DNAH2: variants seen among roughly 807,000 people sequenced by gnomAD.
DNAH2 encodes the protein dynein axonemal heavy chain 2, also known as axonemal beta dynein heavy chain 2.
A neutral mutation model predicts 523.5 loss-of-function variants in DNAH2; 323 were observed. That is an observed-to-expected ratio of 0.62 (90% CI 0.56 to 0.68). The LOEUF (loss-of-function observed/expected upper bound fraction) is 0.68. Among genes scored for constraint, DNAH2 ranks in the 30% least tolerant of loss-of-function variants. The pLI is 0.00. For missense variants in DNAH2, 4,907 were observed against 5,701.5 expected (o/e 0.86, Z 4.49); for synonymous variants, 2,093 against 2,177.4 (o/e 0.96, Z 1.08).
At chr17:7,753,877 G>A (rs1047548026) in intron 12 of DNAH2, among the ~76,000 whole-genome samples, 2 of 152,132 alleles carry the variant, frequency 1.3e-5, no homozygotes, top group Non-Finnish European at 2.9e-5. Flanking sequence ...AAACCGGGGA[G>A]GCAGAGGTTG....
chr17:7,738,037 C>T (rs2075193304), intron 8 of DNAH2: 1 of 703,398 alleles, frequency 1.4e-6, no homozygotes, highest in Non-Finnish European at 2.6e-6. Context: ...ATGTCTCTTC[C>T]AGCAAGGAGG....
In DNAH2 at chr17:7,743,173, T is replaced by C. The variant is rs757706009; in HGVS notation, c.1904+31T>C. ...GGAGCCACCTGGCCCCTTTTCCCTA[T>C]ACTCCCCTTCTGCAGCTCTCCCAAG... On this transcript the variant is annotated intron_variant, in intron 12 of 85. Transcript: ENST00000572933. The C allele has an allele frequency of 8.1e-6, 13 of 1,608,794 alleles. No individual in the cohort carries two copies. In the East Asian group the frequency reaches 1.3e-4, roughly 17 times the overall value.
intron 4 of DNAH2, among the ~76,000 whole-genome samples, chr17:7,731,242 G>A (rs1160966632): frequency 6.6e-6 from 1 of 152,042 alleles, no homozygotes; most frequent in East Asian, 1.9e-4. Context: ...ACATGACCAT[G>A]TGTGATCTTG....
chr17:7,806,879 G>T (rs1039723194), intron 61 of DNAH2, among the ~76,000 whole-genome samples: 1 of 151,974 alleles, frequency 6.6e-6, no homozygotes, highest in Non-Finnish European at 1.5e-5. Flanking sequence ...AAAGCAGAGA[G>T]AAAAAAAGTG....
intron 25 of DNAH2, 49 bp from the exon 26 acceptor site, chr17:7,770,508 C>G: frequency 6.2e-7 from 1 of 1,613,294 alleles, no homozygotes; most frequent in Non-Finnish European, 8.5e-7. Context: ...TCCTGTTCCC[C>G]TTAGTGAAGA....
chr17:7,735,614 T>G (rs1211952081), intron 7 of DNAH2, among the ~76,000 whole-genome samples: 1 of 151,468 alleles, frequency 6.6e-6, no homozygotes, highest in Non-Finnish European at 1.5e-5. Flanking sequence ...AACTGTTGTA[T>G]TTTTTGTAGA....
chr17:7,806,487 C>A lies in DNAH2; in HGVS notation c.9443-663C>A, dbSNP rs565898919. ...CCTGGCTAACACGGTGAAACCCTGT[C>A]TCTACTACAAAATACAAAAAAATTA... On this transcript the variant is annotated intron_variant, in intron 61 of 85. Coordinates refer to ENST00000572933, the MANE Select transcript of DNAH2 (RefSeq NM_020877.5). Among the ~76,000 whole-genome samples the A allele has an allele frequency of 1.8e-4, 27 of 151,810 alleles. No homozygotes were observed. The East Asian group carries it at 5.3e-3, about 30-fold the overall frequency.
Position 7,823,492 on chromosome 17 carries a change from A to G in DNAH2, c.11193A>G (p.Ala3731=). ...QMDNPCSSWL[A]DAYWDNITEL... is the part of the protein sequence containing the mutation. ...ACAATCCATGTAGTAGCTGGCTTGC[A>G]GATGCCTACTGGGATAACATCACAG... Residue 3731 remains alanine (A), a synonymous_variant, in exon 74 of 86, where the codon GCA becomes GCG. Transcript: ENST00000572933. 6.2e-7 allele frequency: 1 copy of G among 1,614,132 alleles called. No homozygotes were observed. Among genetic ancestry groups the G allele is most frequent in the Non-Finnish European group, 8.5e-7 (1 of 1,180,014 alleles).
Position 7,831,834 on chromosome 17 carries a change from C to A in DNAH2, c.12726+59C>A. On this transcript the variant is annotated intron_variant, in intron 82 of 85. Transcript: ENST00000572933. This position sits in a 1 kb window ranked among gnomAD's most constrained non-coding sequence, Gnocchi z 4.2. ...AATGAGCTCCCCTCTCAATCCTGGG[C>A]CCCCCAATCTCCTGGTTCTAGGTGG... 2 of 1,478,418 alleles carry A rather than the reference C, an allele frequency of 1.4e-6. No individual in the cohort carries two copies. Among genetic ancestry groups the A allele is most frequent in the East Asian group, 2.3e-5 (1 of 43,572 alleles). 91.6% of individuals were successfully genotyped at this position (1,478,418 alleles called of 1,614,324 possible). A position where few individuals can be genotyped will look rare whatever the true frequency, so the allele number is the denominator to read the frequency against.
chr17:7,802,381 ACT>A (rs376965287), intron 58 of DNAH2, among the ~76,000 whole-genome samples: 38 of 151,772 alleles, frequency 2.5e-4, no homozygotes, highest in African/African-American at 8.2e-4. Context: ...TGTTTTCCCT[ACT>A]CTCTCACTCA....
At chr17:7,725,917 G>C (rs1442236955) in intron 3 of DNAH2, among the ~76,000 whole-genome samples, 2 of 146,916 alleles carry the variant, frequency 1.4e-5, no homozygotes, top group Non-Finnish European at 3.1e-5. Flanking sequence ...AACTTTAAGA[G>C]AGATTCCTTC....
rs1278282546 is a variant in DNAH2, at chr17:7,817,332, C to A, written c.9937C>A (p.Leu3313Met). ...DLGYLVGDCL[L>M]AAAFLSYMGP... ...GGGCTACCTGGTGGGGGACTGTCTCCTGGCAGCTGCCTTCCTGTCCTACAT... is the reference window on the plus strand; with the variant it reads ...GGGCTACCTGGTGGGGGACTGTCTCATGGCAGCTGCCTTCCTGTCCTACAT... The change falls in exon 65 of 86, where the codon CTG becomes ATG. Residue 3313 changes from leucine (L) to methionine (M), a missense_variant. Physicochemically the swap from Leu to Met is conservative, Grantham distance 15 (BLOSUM62 2). Around this residue, in one of 3 missense-constraint regions of DNAH2, gnomAD observed 1,851 missense variants for 2,139.4 expected, o/e 0.87. Transcript: ENST00000572933. 1 of 1,608,180 alleles carries A rather than the reference C, an allele frequency of 6.2e-7. No homozygotes were observed. The highest frequency in any genetic ancestry group is 8.5e-7 in the Non-Finnish European group (1 of 1,178,422).
Position 7,796,022 on chromosome 17 carries a change from G to T in DNAH2, c.7675-442G>T, listed in dbSNP as rs1238088093. Among the ~76,000 whole-genome samples, 3 of 144,682 alleles carry T rather than the reference G, an allele frequency of 2.1e-5. No individual in the cohort carries two copies. The Admixed American group carries it at 2.1e-4, about 10-fold the overall frequency. The allele number at this position is 144,682 out of a possible 152,430, so 94.9% of individuals were successfully genotyped here. A position where few individuals can be genotyped will look rare whatever the true frequency, so the allele number is the denominator to read the frequency against. ...TAGTGTTATATAATAGTATTTGTCA[G>T]TTGTCTTATTTCTGAGTTTAGGATT... On this transcript the variant is annotated intron_variant, in intron 49 of 85. Transcript: ENST00000572933.
intron 28 of DNAH2, 52 bp from the exon 29 acceptor site, chr17:7,774,707 C>T (rs980446599): frequency 1.2e-4 from 185 of 1,527,978 alleles, no homozygotes; most frequent in Non-Finnish European, 1.6e-4. Context: ...CATCCAGATC[C>T]GCCCAGGGCA....
chr17:7,740,724 C>T (rs1567622864), intron 10 of DNAH2, 86 bp from the exon 11 acceptor site: 6 of 1,543,674 alleles, frequency 3.9e-6, no homozygotes, highest in South Asian at 2.5e-5. Context: ...ACTCCCGCAG[C>T]GGGGTGCAGC....
In DNAH2 at chr17:7,733,107, C is replaced by T. The variant is rs774628888; in HGVS notation, c.420C>T (p.Tyr140=). The part of the protein sequence containing the change: ...MPVQTQNQLV[Y]FIRQAPVPIT... ...TGCAGACCCAGAACCAGCTTGTCTA[C>T]TTCATTCGCCAAGCACCAGTTCCCA... The change falls in exon 5 of 86, where the codon TAC becomes TAT. Residue 140 remains tyrosine (Y), a synonymous_variant. Coordinates refer to ENST00000572933, the MANE Select transcript of DNAH2 (RefSeq NM_020877.5). The T allele has an allele frequency of 6.2e-7, 1 of 1,614,196 alleles. No individual in the cohort carries two copies.
In DNAH2 at chr17:7,774,742, A is replaced by T. The variant is rs1312511558; in HGVS notation, c.4502-17A>T. 1.9e-6 allele frequency: 3 copies of T among 1,608,354 alleles called. No individual in the cohort carries two copies. The highest frequency in any genetic ancestry group is 1.7e-6 in the Non-Finnish European group (2 of 1,175,842). On this transcript the variant is annotated splice_polypyrimidine_tract_variant and intron_variant, in intron 28 of 85. Transcript: ENST00000572933. ...AGTGGAAATGAATCAAATGTCATTCATCGCTCTTCTTCCCAGGCCTCCTGG... is the reference window on the plus strand; with the variant it reads ...AGTGGAAATGAATCAAATGTCATTCTTCGCTCTTCTTCCCAGGCCTCCTGG...
At chr17:7,803,802 C>T (rs1203914433) in intron 58 of DNAH2, among the ~76,000 whole-genome samples, 2 of 132,282 alleles carry the variant, frequency 1.5e-5, no homozygotes, top group Non-Finnish European at 3.3e-5. Context: ...TAACAAGACG[C>T]CATCTCTACA....
chr17:7,779,097 C>T (rs2076536133), intron 35 of DNAH2, 146 bp from the exon 36 acceptor site: 2 of 841,816 alleles, frequency 2.4e-6, no homozygotes, highest in African/African-American at 1.7e-5. Context: ...GAAGCTACAA[C>T]AGTGTACTCT....
Sources: allele counts gnomAD v4.1 joint callset (sites outside exome capture counted in the v4.1 genomes callset), GRCh38; gene constraint gnomAD v4.1.1; regional missense constraint gnomAD v4.1.1; non-coding constraint Gnocchi (gnomAD v3.1); transcripts MANE v1.5; gene names NCBI Gene and HGNC (gene_info 2026-07-23, HGNC 2026-07-21).